Variants in CCPG1 observed in about 807,000 individuals in gnomAD.
CCPG1 encodes cell cycle progression protein 1.
In CCPG1, 46 loss-of-function variants were observed where a neutral mutation model predicts 81.3. The ratio of observed to expected loss-of-function variants is 0.57; its 90% CI spans 0.45 to 0.72. The LOEUF (loss-of-function observed/expected upper bound fraction) is 0.72. Among genes scored for constraint, CCPG1 ranks in the 30% least tolerant of loss-of-function variants. CCPG1 has a pLI of 0.00. For missense variants in CCPG1, 902 were observed against 937.6 expected, an observed-to-expected ratio of 0.96 and a Z score of 0.50; for synonymous variants, 330 against 305.2, an observed-to-expected ratio of 1.08 and a Z score of -0.85.
At chr15:55,366,938 T>C (rs184726656) in intron 6 of CCPG1, among the ~76,000 whole-genome samples, 41 of 152,336 alleles carry the variant, frequency 2.7e-4, no homozygotes, top group African/African-American at 9.6e-4. Context: ...TTACATCTAC[T>C]GAGTATAGAT....
At chr15:55,406,348 C>A (rs978032028) in intron 1 of CCPG1, among the ~76,000 whole-genome samples, 8 of 150,730 alleles carry the variant, frequency 5.3e-5, no homozygotes, top group Non-Finnish European at 1.0e-4. Context: ...TTGAAAAATA[C>A]AGGAAAGTAC....
Position 55,360,730 on chromosome 15 carries a change from A to G in CCPG1, c.1043T>C (p.Val348Ala), listed in dbSNP as rs1263439399. Reference protein sequence around the residue: ...LEDKGTSTELVKENQKLKQHL... With the variant: ...LEDKGTSTELAKENQKLKQHL... The stretch of plus-strand genomic sequence containing the variant: ...CTGCTTAAGTTTCTGATTTTCTTTA[A>G]CTAATTCAGTACTTGTCCCTTTATC... The change falls in exon 8 of 9, where the codon GTT (valine) becomes GCT (alanine). Residue 348 changes from valine (V) to alanine (A), a missense_variant. Physicochemically the swap from Val to Ala is moderately conservative, Grantham distance 64. Transcript: ENST00000442196. 6.2e-7 allele frequency: 1 copy of G among 1,611,700 alleles called. No individual in the cohort carries two copies. Among genetic ancestry groups the G allele is most frequent in the Non-Finnish European group, 8.5e-7 (1 of 1,179,502 alleles).
intron 3 of CCPG1, among the ~76,000 whole-genome samples, chr15:55,381,361 A>T (rs2056690667): frequency 6.6e-6 from 1 of 150,640 alleles, no homozygotes; most frequent in African/African-American, 2.5e-5. Flanking sequence ...TGAACCGGGG[A>T]GGCGGAGGTT....
intron 3 of CCPG1, among the ~76,000 whole-genome samples, chr15:55,382,635 G>C (rs549118808): frequency 6.6e-6 from 1 of 151,428 alleles, no homozygotes; most frequent in African/African-American, 2.4e-5. Flanking sequence ...TCAGCCTCCC[G>C]AGTAGCTGGG....
intron 1 of CCPG1, among the ~76,000 whole-genome samples, chr15:55,396,246 C>A (rs1370307170): frequency 6.6e-6 from 1 of 151,992 alleles, no homozygotes; most frequent in African/African-American, 2.4e-5. Context: ...TATAAACCCT[C>A]CCCATTTTAA....
chr15:55,381,050 T>C (rs2141291691), intron 3 of CCPG1, among the ~76,000 whole-genome samples: 1 of 151,758 alleles, frequency 6.6e-6, no homozygotes, highest in East Asian at 1.9e-4. Flanking sequence ...GGCAGGAGAA[T>C]GGCGTGAACC....
rs796705761 is a variant in CCPG1, at chr15:55,407,089, G to A, written c.-10+1132C>T. 1.5e-4 allele frequency among the ~76,000 whole-genome samples: 23 copies of A among 148,660 alleles called. 1 individual carries two copies. Among genetic ancestry groups the A allele is most frequent in the African/African-American group, 5.9e-4 (23 of 38,756 alleles). On this transcript the variant is annotated intron_variant, in intron 1 of 8. Transcript: ENST00000442196. ...CTAAAAATACAAAATTTAGCTGGGC[G>A]TGGTGGCGGGCGCCTGTAATCCCAG...
intron 7 of CCPG1, among the ~76,000 whole-genome samples, chr15:55,364,141 C>G (rs1244843678): frequency 6.6e-6 from 1 of 150,524 alleles, no homozygotes; most frequent in East Asian, 2.0e-4. Flanking sequence ...GCATTTCTCT[C>G]TACAACCTTC....
chr15:55,377,943 T>C (rs1238241508), intron 4 of CCPG1, among the ~76,000 whole-genome samples: 1 of 152,218 alleles, frequency 6.6e-6, no homozygotes, highest in African/African-American at 2.4e-5. Flanking sequence ...AATGATCATC[T>C]AGCTATCTAG....
chr15:55,379,000 G>T (rs12901702), intron 3 of CCPG1, among the ~76,000 whole-genome samples: 1 of 151,802 alleles, frequency 6.6e-6, no homozygotes, highest in South Asian at 2.1e-4. Context: ...TACCTAATAT[G>T]AAAAAATCTA....
In CCPG1 at chr15:55,378,276, CCA is replaced by C. The variant is rs765632555; in HGVS notation, c.252+22_252+23del. On this transcript the variant is annotated intron_variant, in intron 4 of 8. Coordinates refer to ENST00000442196, the MANE Select transcript of CCPG1 (RefSeq NM_001204450.2). ...TCTAAGGATACTATTTAACATATAT[CCA>C]CAGTGTAAAATACAAGTTTACCTCA... 12 of 1,404,038 alleles carry C rather than the reference CCA, an allele frequency of 8.5e-6. No homozygotes were observed. The East Asian group carries it at 9.1e-5, about 11-fold the overall frequency. The allele number at this position is 1,404,038 out of a possible 1,614,324, so 87.0% of individuals were successfully genotyped here. A position where few individuals can be genotyped will look rare whatever the true frequency, so the allele number is the denominator to read the frequency against.
chr15:55,397,168 G>A (rs563109845), intron 1 of CCPG1, among the ~76,000 whole-genome samples: 143 of 151,904 alleles, frequency 9.4e-4, no homozygotes, highest in African/African-American at 3.4e-3. Context: ...GAGCCGAGAT[G>A]GCGCCACTGC....
intron 1 of CCPG1, among the ~76,000 whole-genome samples, chr15:55,402,416 C>T (rs1046552554): frequency 6.6e-6 from 1 of 152,032 alleles, no homozygotes; most frequent in Non-Finnish European, 1.5e-5. Flanking sequence ...TTAGTAGAGA[C>T]GGGGTTTCAC....
intron 1 of CCPG1, among the ~76,000 whole-genome samples, chr15:55,400,299 A>C (rs1166019742): frequency 6.6e-6 from 1 of 150,754 alleles, no homozygotes; most frequent in Non-Finnish European, 1.5e-5. Context: ...TCACGAGGTC[A>C]TGAGTTCGAG....
chr15:55,380,919 C>T (rs956619669), intron 3 of CCPG1, among the ~76,000 whole-genome samples: 1 of 151,040 alleles, frequency 6.6e-6, no homozygotes, highest in Non-Finnish European at 1.5e-5. Context: ...GGACAGACCA[C>T]GAGGTCAGGA....
chr15:55,367,233 A>G (rs1467414079), intron 6 of CCPG1, among the ~76,000 whole-genome samples: 1 of 152,216 alleles, frequency 6.6e-6, no homozygotes, highest in African/African-American at 2.4e-5. Context: ...TTCCCAGAGT[A>G]ACAGAAAACT....
chr15:55,407,516 G>A (rs1456428378), intron 1 of CCPG1, among the ~76,000 whole-genome samples: 2 of 152,212 alleles, frequency 1.3e-5, no homozygotes, highest in African/African-American at 4.8e-5. Context: ...TTCAATAAAA[G>A]TAGAGCAGAA....
chr15:55,405,150 C>T (rs62018148), intron 1 of CCPG1, among the ~76,000 whole-genome samples: 2 of 151,520 alleles, frequency 1.3e-5, no homozygotes, highest in Non-Finnish European at 1.5e-5. Flanking sequence ...CACCTGAGGT[C>T]GGGAGTTTGA....
intron 1 of CCPG1, among the ~76,000 whole-genome samples, chr15:55,398,436 C>T (rs1056026615): frequency 2.0e-5 from 3 of 152,086 alleles, no homozygotes; most frequent in Non-Finnish European, 4.4e-5. Context: ...CAAAGATAAG[C>T]GAGTCAGTCT....
Sources: allele counts gnomAD v4.1 joint callset (sites outside exome capture counted in the v4.1 genomes callset), GRCh38; gene constraint gnomAD v4.1.1; transcripts MANE v1.5; gene names NCBI Gene and HGNC (gene_info 2026-07-23, HGNC 2026-07-21).